ZNF618: variants seen among roughly 807,000 people sequenced by gnomAD.
ZNF618 encodes neural precursor cell expressed, developmentally down-regulated 10.
A neutral mutation model predicts 103.0 loss-of-function variants in ZNF618; 34 were observed. The observed-to-expected ratio is 0.33, with a 90% CI of 0.25 to 0.44. The LOEUF is 0.44. ZNF618 is among the 20% of genes least tolerant of loss of function. The probability of loss-of-function intolerance (pLI) is 1.00; values close to 1 mark genes in which losing one functional copy is unlikely to be tolerated. For missense variants in ZNF618, 1,059 were observed against 1,295.4 expected, an observed-to-expected ratio of 0.82 and a Z score of 2.80; for synonymous variants, 551 against 542.2, an observed-to-expected ratio of 1.02 and a Z score of -0.23.
chr9:113,927,172 A>G (rs923226198), intron 1 of ZNF618, among the ~76,000 whole-genome samples: 4 of 152,176 alleles, frequency 2.6e-5, no homozygotes, highest in Admixed American at 2.6e-4. Flanking sequence ...GTAGGTACAG[A>G]GGTAATCAGC....
At chr9:113,910,941 C>T (rs1368014445) in intron 1 of ZNF618, among the ~76,000 whole-genome samples, 3 of 152,126 alleles carry the variant, frequency 2.0e-5, no homozygotes, top group Non-Finnish European at 2.9e-5. Context: ...AGTGATTCTC[C>T]TGCCTCAGCC....
intron 4 of ZNF618, among the ~76,000 whole-genome samples, chr9:114,000,563 C>A (rs1208933037): frequency 6.9e-6 from 1 of 144,252 alleles, no homozygotes; most frequent in Non-Finnish European, 1.6e-5. Flanking sequence ...CAGTGTGACC[C>A]AGGAAAACCA....
In ZNF618 at chr9:113,987,364, T is replaced by G. The variant is rs570930595; in HGVS notation, c.78-957T>G. Among the ~76,000 whole-genome samples, 4 of 152,322 alleles carry G rather than the reference T, an allele frequency of 2.6e-5. No homozygotes were observed. The South Asian group carries it at 8.3e-4, about 32-fold the overall frequency. ...GTCACAGCTCTGCTTTAGTCCTTAG[T>G]GTCCCCCTCATGAGGGACGTTGAGT... On this transcript the variant is annotated intron_variant, in intron 2 of 14. Coordinates refer to ENST00000374126, the MANE Select transcript of ZNF618 (RefSeq NM_001318042.2).
chr9:114,020,100 A>G (rs148011500), intron 10 of ZNF618, among the ~76,000 whole-genome samples: 75 of 152,316 alleles, frequency 4.9e-4, no homozygotes, highest in African/African-American at 1.8e-3. Flanking sequence ...TGAAAAGATT[A>G]TCTTTCCCTA....
At position 114,052,838 on chromosome 9, in the gene ZNF618, C is replaced by A. The variant is rs1471934232; in HGVS notation, c.*2671C>A. On this transcript the variant is annotated 3_prime_UTR_variant, in exon 15 of 15. Transcript: ENST00000374126. ...AGCCCAGATGTGCATTTAGAGCACT[C>A]AGCATTCTTCTCTTTGAAGCATGGG... 1 of 152,196 alleles carries A rather than the reference C, an allele frequency of 6.6e-6. No homozygotes were observed. Among genetic ancestry groups the A allele is most frequent in the African/African-American group, 2.4e-5 (1 of 41,436 alleles). 9.4% of individuals were successfully genotyped at this position (152,196 alleles called of 1,614,324 possible).
At chr9:113,978,336 C>G (rs1226968980) in intron 2 of ZNF618, among the ~76,000 whole-genome samples, 2 of 152,230 alleles carry the variant, frequency 1.3e-5, no homozygotes, top group East Asian at 3.8e-4. Context: ...CCCACGATGG[C>G]TTCTCTCCTT....
intron 1 of ZNF618, among the ~76,000 whole-genome samples, chr9:113,881,636 G>T: frequency 6.6e-6 from 1 of 152,142 alleles, no homozygotes; most frequent in East Asian, 1.9e-4. Flanking sequence ...GTGGCTGGTG[G>T]CTACTATATT....
At chr9:114,029,239 AT>A (rs998139282) in intron 11 of ZNF618, among the ~76,000 whole-genome samples, 1 of 151,850 alleles carries the variant, frequency 6.6e-6, no homozygotes, top group Non-Finnish European at 1.5e-5. Context: ...GTAGTAGAAT[AT>A]TTTTTCCCAA....
intron 1 of ZNF618, among the ~76,000 whole-genome samples, chr9:113,963,081 G>A (rs1304334431): frequency 1.3e-5 from 2 of 152,162 alleles, no homozygotes; most frequent in African/African-American, 4.8e-5. Flanking sequence ...CTGGCTTTTG[G>A]AAAGGAAATA....
In ZNF618 at chr9:114,032,164, G is replaced by T. The variant is rs78063706; in HGVS notation, c.1085-481G>T. Among the ~76,000 whole-genome samples, 28 of 152,342 alleles carry T rather than the reference G, an allele frequency of 1.8e-4. 1 individual carries two copies. In the East Asian group the frequency reaches 5.2e-3, roughly 28 times the overall value. On this transcript the variant is annotated intron_variant, in intron 11 of 14. Coordinates refer to ENST00000374126, the MANE Select transcript of ZNF618 (RefSeq NM_001318042.2). The stretch of plus-strand genomic sequence containing the variant: ...CTCCCTGTCACGCCATCTGTTGCAG[G>T]ATACCCTCCCTGTCACCAGGGACCA...
intron 10 of ZNF618, among the ~76,000 whole-genome samples, chr9:114,017,253 G>A (rs1564303480): frequency 6.6e-6 from 1 of 152,180 alleles, no homozygotes; most frequent in Non-Finnish European, 1.5e-5. Context: ...GGAAGCTAAG[G>A]AGGTGGCAGG....
In ZNF618 at chr9:113,951,537, A is replaced by G. The variant is rs867861622; in HGVS notation, c.34-17580A>G. ...TGTGTATATGTACACATATGTGTGT[A>G]CATATGTACACATATGTGTGTGTAT... On this transcript the variant is annotated intron_variant, in intron 1 of 14. Transcript: ENST00000374126. Among the ~76,000 whole-genome samples the G allele has an allele frequency of 5.8e-5, 3 of 52,004 alleles. 1 individual carries two copies. Among genetic ancestry groups the G allele is most frequent in the African/African-American group, 1.7e-4 (3 of 17,320 alleles). The allele number at this position is 52,004 out of a possible 152,430, so 34.1% of individuals were successfully genotyped here. A position where few individuals can be genotyped will look rare whatever the true frequency, so the allele number is the denominator to read the frequency against.
At chr9:114,047,820 T>C in intron 13 of ZNF618, 73 bp from the exon 14 acceptor site, 1 of 1,332,394 alleles carries the variant, frequency 7.5e-7, no homozygotes, top group Non-Finnish European at 1.0e-6. Flanking sequence ...CCCACCACAC[T>C]CTAGTTCTCA....
chr9:113,944,090 C>A lies in ZNF618; in HGVS notation c.34-25027C>A, dbSNP rs183722810. ...GCCCCTGCTCACACCTCGCCCTGCA[C>A]GGTTTGATCCAATGTGGAATTTCCC... On this transcript the variant is annotated intron_variant, in intron 1 of 14. Coordinates refer to ENST00000374126, the MANE Select transcript of ZNF618 (RefSeq NM_001318042.2). 2.1e-3 allele frequency among the ~76,000 whole-genome samples: 327 copies of A among 152,278 alleles called. 1 individual carries two copies. Among genetic ancestry groups the A allele is most frequent in the African/African-American group, 7.4e-3 (309 of 41,550 alleles).
intron 1 of ZNF618, among the ~76,000 whole-genome samples, chr9:113,876,725 A>AATTC (rs1564116118): frequency 6.6e-6 from 1 of 151,780 alleles, no homozygotes; most frequent in Admixed American, 6.6e-5. Flanking sequence ...CAGTTTGGAC[A>AATTC]ATTCACATTT....
intron 13 of ZNF618, among the ~76,000 whole-genome samples, chr9:114,039,446 G>T (rs1844931744): frequency 6.6e-6 from 1 of 151,774 alleles, no homozygotes; most frequent in Non-Finnish European, 1.5e-5. Context: ...CACCTTCTGG[G>T]CTCAAGCGAT....
intron 4 of ZNF618, 22 bp from the exon 5 acceptor site, chr9:114,001,974 C>A (rs1841262818): frequency 1.2e-6 from 2 of 1,610,460 alleles, no homozygotes; most frequent in Non-Finnish European, 8.5e-7. Context: ...GGTGACCAGT[C>A]CTTTCCTCTT....
At position 113,969,535 on chromosome 9, in the gene ZNF618, A is replaced by G. The variant is rs187853095; in HGVS notation, c.77+375A>G. ...TCCAGAATCCATTGGCCTATGTGCT[A>G]GTGTCATGTGCTCCTCTCTCTTCAC... On this transcript the variant is annotated intron_variant, in intron 2 of 14. Coordinates refer to ENST00000374126, the MANE Select transcript of ZNF618 (RefSeq NM_001318042.2). Among the ~76,000 whole-genome samples, 5 of 152,298 alleles carry G rather than the reference A, an allele frequency of 3.3e-5. No homozygotes were observed. The East Asian group carries it at 7.7e-4, about 24-fold the overall frequency.
chr9:113,930,285 G>A (rs1468294690), intron 1 of ZNF618, among the ~76,000 whole-genome samples: 2 of 152,148 alleles, frequency 1.3e-5, no homozygotes, highest in East Asian at 3.8e-4. Context: ...GAAAAGCGTT[G>A]CACATGCTTT....
Sources: gnomAD v4.1 joint callset for allele counts (sites outside exome capture counted in the v4.1 genomes callset) on GRCh38, gnomAD v4.1.1 for gene constraint, MANE v1.5 for transcripts, NCBI Gene and HGNC (gene_info 2026-07-23, HGNC 2026-07-21) for gene names.